Variants in PCDH7 observed in about 807,000 individuals in gnomAD.
The protein encoded by PCDH7 is protocadherin-7.
PCDH7 carries 17 observed loss-of-function variants against 58.9 expected under a neutral mutation model. The observed-to-expected ratio is 0.29, with a 90% CI of 0.20 to 0.43. The LOEUF (loss-of-function observed/expected upper bound fraction) is 0.43. Ranked by LOEUF, PCDH7 falls within the 20% of genes least tolerant of loss-of-function variation. The pLI is 1.00. For synonymous variants in PCDH7, 664 were observed against 616.4 expected (o/e 1.08, Z -1.14); for missense variants, 1,274 against 1,441.0 (o/e 0.88, Z 1.88).
intron 1 of PCDH7, among the ~76,000 whole-genome samples, chr4:30,834,820 A>C (rs1730265390): frequency 6.6e-6 from 1 of 151,894 alleles, no homozygotes; most frequent in South Asian, 2.1e-4. Flanking sequence ...TTTTCTGGAG[A>C]GATCTGATAA....
chr4:30,858,380 A>G (rs4585258), intron 1 of PCDH7, among the ~76,000 whole-genome samples: 118,163 of 152,018 alleles, frequency 0.78, 46,742 homozygotes, highest in African/African-American at 0.94. Flanking sequence ...TTGGGTATTC[A>G]CTGTGACATT....
intron 1 of PCDH7, among the ~76,000 whole-genome samples, chr4:30,798,504 T>G (rs890186255): frequency 2.0e-5 from 3 of 152,184 alleles, no homozygotes; most frequent in African/African-American, 7.2e-5. Context: ...AGTTGAGGAA[T>G]AAGTATAATT....
At chr4:30,850,158 T>A in intron 1 of PCDH7, among the ~76,000 whole-genome samples, 1 of 152,138 alleles carries the variant, frequency 6.6e-6, no homozygotes, top group East Asian at 1.9e-4. Context: ...TGAATTACAC[T>A]TTTTGTGAAG....
intron 1 of PCDH7, among the ~76,000 whole-genome samples, chr4:30,800,908 G>A (rs1221803023): frequency 6.6e-6 from 1 of 152,204 alleles, no homozygotes; most frequent in Non-Finnish European, 1.5e-5. Flanking sequence ...ACATTTGGAA[G>A]TCATTGGAAG....
intron 1 of PCDH7, among the ~76,000 whole-genome samples, chr4:30,789,445 A>T (rs1723827188): frequency 6.6e-6 from 1 of 152,106 alleles, no homozygotes; most frequent in African/African-American, 2.4e-5. Context: ...AGAAGAAGCA[A>T]CAGGCAGAAA....
chr4:30,990,608 A>T (rs1284594299), intron 3 of PCDH7, among the ~76,000 whole-genome samples: 4 of 152,168 alleles, frequency 2.6e-5, no homozygotes, highest in African/African-American at 9.6e-5. Context: ...TTAAGTAGCT[A>T]CTAAATCGGC....
intron 1 of PCDH7, among the ~76,000 whole-genome samples, chr4:30,868,786 A>G (rs1267541486): frequency 6.6e-6 from 1 of 152,054 alleles, no homozygotes; most frequent in Non-Finnish European, 1.5e-5. Flanking sequence ...GTCAGACCCT[A>G]AAGTGTTGTG....
At chr4:30,738,954 C>T (rs1577602488) in intron 1 of PCDH7, among the ~76,000 whole-genome samples, 2 of 151,802 alleles carry the variant, frequency 1.3e-5, no homozygotes, top group East Asian at 3.9e-4. Flanking sequence ...CTCTGAGTGA[C>T]TCTTCACGAT....
intron 3 of PCDH7, among the ~76,000 whole-genome samples, chr4:31,008,041 C>T (rs577095414): frequency 1.4e-4 from 22 of 151,840 alleles, no homozygotes; most frequent in Middle Eastern, 3.4e-3. Flanking sequence ...CATGAAAAGT[C>T]GACAATAAAC....
rs559894262 is a variant in PCDH7 at position 30,772,082 on chromosome 4, G to T, written c.70+47486G>T. ...ATGGGGTCTCACCATGTTGGCCAGG[G>T]TGGTCTCAAACTCCTGACCTCAGGT... On this transcript the variant is annotated intron_variant, in intron 1 of 3. Coordinates refer to the PCDH7 transcript ENST00000509759. Among the ~76,000 whole-genome samples the T allele has an allele frequency of 5.7e-4, 86 of 152,022 alleles. 1 individual carries two copies. The highest frequency in any genetic ancestry group is 1.1e-3 in the Non-Finnish European group (74 of 67,960).
intron 3 of PCDH7, among the ~76,000 whole-genome samples, chr4:31,077,782 C>G (rs899270114): frequency 8.5e-5 from 13 of 152,232 alleles, no homozygotes; most frequent in African/African-American, 3.1e-4. Flanking sequence ...TTCAGCAATA[C>G]TTTCAAATAT....
In PCDH7 at chr4:30,722,578, A is replaced by G. The variant is rs1267298954; in HGVS notation, c.1156A>G (p.Met386Val). The stretch of plus-strand genomic sequence containing the variant: ...GGTGAACCAGCTGCGCTTCACGGTC[A>G]TGGCCCGCGACCGCGGGCAGCCCCC... The change falls in exon 1 of 2, where the codon ATG (methionine) becomes GTG (valine). Residue 386 changes from methionine (M) to valine (V), a missense_variant. Physicochemically the swap from Met to Val is conservative, Grantham distance 21. Transcript: ENST00000361762. This position sits in a 1 kb window ranked among gnomAD's most constrained non-coding sequence, Gnocchi z 7.6. 6.2e-7 allele frequency: 1 copy of G among 1,612,890 alleles called. No homozygotes were observed. The highest frequency in any genetic ancestry group is 1.1e-5 in the South Asian group (1 of 91,076).
intron 3 of PCDH7, among the ~76,000 whole-genome samples, chr4:31,024,816 G>A (rs1264352312): frequency 6.6e-6 from 1 of 151,988 alleles, no homozygotes; most frequent in East Asian, 1.9e-4. Flanking sequence ...ATCTCCACTC[G>A]CTGCAACCTC....
chr4:30,943,181 C>G (rs1308143914), intron 2 of PCDH7, among the ~76,000 whole-genome samples: 1 of 151,892 alleles, frequency 6.6e-6, no homozygotes, highest in African/African-American at 2.4e-5. Context: ...TCATTGCTGC[C>G]CTTTTCACCC....
Position 30,964,242 on chromosome 4 carries a change from A to ATT in PCDH7, c.*7+14029_*7+14030dup, listed in dbSNP as rs1250300930. ...AGTAGTTTTATTTATTTATTTATTT[A>ATT]TTTATTTATTTTTTTTTGAGATGAA... On this transcript the variant is annotated intron_variant, in intron 3 of 3. Transcript: ENST00000509759. Among the ~76,000 whole-genome samples, 16 of 48,412 alleles carry ATT rather than the reference A, an allele frequency of 3.3e-4. No homozygotes were observed. In the East Asian group the frequency reaches 4.2e-3, roughly 13 times the overall value. The allele number at this position is 48,412 out of a possible 152,430, so 31.8% of individuals were successfully genotyped here.
At chr4:30,730,592 C>T (rs1560308781) in intron 1 of PCDH7, among the ~76,000 whole-genome samples, 1 of 151,998 alleles carries the variant, frequency 6.6e-6, no homozygotes, top group Admixed American at 6.6e-5. Context: ...CTTCCCCCAC[C>T]CCCCAAGTGT....
intron 3 of PCDH7, among the ~76,000 whole-genome samples, chr4:30,968,780 G>A (rs1023555758): frequency 6.6e-6 from 1 of 151,950 alleles, no homozygotes; most frequent in Non-Finnish European, 1.5e-5. Context: ...ACAGAAACTG[G>A]CATAGGATGC....
At chr4:30,947,035 G>C (rs984555520) in intron 2 of PCDH7, among the ~76,000 whole-genome samples, 1 of 151,964 alleles carries the variant, frequency 6.6e-6, no homozygotes, top group Non-Finnish European at 1.5e-5. Flanking sequence ...TTTTATCCCA[G>C]CTAAAGAACT....
chr4:31,012,375 G>T, intron 3 of PCDH7, among the ~76,000 whole-genome samples: 1 of 139,330 alleles, frequency 7.2e-6, no homozygotes, highest in South Asian at 2.7e-4. Context: ...AAATATAGAA[G>T]ATGTCTCAAT....
Sources: allele counts gnomAD v4.1 joint callset (sites outside exome capture counted in the v4.1 genomes callset), GRCh38; gene constraint gnomAD v4.1.1; non-coding constraint Gnocchi (gnomAD v3.1); transcripts MANE v1.5; gene names NCBI Gene and HGNC (gene_info 2026-07-23, HGNC 2026-07-21).